The following TRPM7 variants were observed in gnomAD, a reference collection of about 807,000 sequenced individuals.
TRPM7 encodes transient receptor potential cation channel subfamily M member 7.
TRPM7 carries 134 observed loss-of-function variants against 229.7 expected under a neutral mutation model. The ratio of observed to expected loss-of-function variants is 0.58; its 90% confidence interval spans 0.51 to 0.67. The LOEUF (loss-of-function observed/expected upper bound fraction) is 0.67, where lower values mean the gene tolerates loss of function less well. TRPM7 is among the 30% of genes least tolerant of loss of function. The pLI is 0.00. For synonymous variants in TRPM7, 699 were observed against 715.2 expected (o/e 0.98, Z 0.36); for missense variants, 1,901 against 2,210.0 (o/e 0.86, Z 2.80).
At position 50,592,567 on chromosome 15, in the gene TRPM7, C is replaced by G. The variant is rs777086024; in HGVS notation, c.3668G>C (p.Arg1223Thr). Residue 1223 changes from arginine to threonine, a missense_variant, in exon 26 of 39, where the codon AGA (arginine) becomes ACA (threonine). This residue lies in a region of TRPM7 where 533 missense variants were observed against 497.1 expected (regional missense o/e 1.07). Coordinates refer to ENST00000646667, the MANE Select transcript of TRPM7 (RefSeq NM_017672.6). ...EVGDRVNYIKRSLQSLDSQIG... is the reference protein window; with the variant it reads ...EVGDRVNYIKTSLQSLDSQIG... ...TTGAGAATCTAATGATTGTAATGATCTTTTTATGTAGTTGACACGATCTCC... is the reference window on the plus strand; with the variant it reads ...TTGAGAATCTAATGATTGTAATGATGTTTTTATGTAGTTGACACGATCTCC... 2 of 1,609,898 alleles carry G rather than the reference C, an allele frequency of 1.2e-6. No homozygotes were observed. Among genetic ancestry groups the G allele is most frequent in the Non-Finnish European group, 1.7e-6 (2 of 1,179,836 alleles).
chr15:50,647,530 G>A (rs972497051), intron 4 of TRPM7, among the ~76,000 whole-genome samples: 1 of 152,150 alleles, frequency 6.6e-6, no homozygotes, highest in African/African-American at 2.4e-5. Flanking sequence ...CAGATCATGA[G>A]GTCAGGAGAT....
chr15:50,590,685 G>A (rs892639272), intron 26 of TRPM7, among the ~76,000 whole-genome samples: 2 of 152,180 alleles, frequency 1.3e-5, no homozygotes, highest in Non-Finnish European at 2.9e-5. Context: ...TTAGCCAGGT[G>A]TGGTGGCGTG....
rs772489736 is a variant in TRPM7 at position 50,628,135 on chromosome 15, G to A, written c.1305+14C>T. On this transcript the variant is annotated intron_variant, in intron 11 of 38. Transcript: ENST00000646667. Reference sequence around the variant, plus strand: ...GTAATTTAATTGTATTGTGTATGTAGATTATTTACATACCAGCCACTGCTG... The same window carrying A: ...GTAATTTAATTGTATTGTGTATGTAAATTATTTACATACCAGCCACTGCTG... The A allele has an allele frequency of 3.2e-6, 5 of 1,541,516 alleles. No individual in the cohort carries two copies. The highest frequency in any genetic ancestry group is 4.5e-6 in the Non-Finnish European group (5 of 1,117,096).
chr15:50,682,266 A>G (rs931335889), intron 1 of TRPM7, among the ~76,000 whole-genome samples: 3 of 151,372 alleles, frequency 2.0e-5, no homozygotes, highest in Non-Finnish European at 4.4e-5. Context: ...TTACCTCCAC[A>G]CACCAAAATT....
chr15:50,665,468 G>A (rs1168843656), intron 1 of TRPM7, among the ~76,000 whole-genome samples: 1 of 151,508 alleles, frequency 6.6e-6, no homozygotes. Flanking sequence ...CTGGGTATCT[G>A]GCAGATCATA....
In TRPM7 at chr15:50,593,679, G is replaced by A; in HGVS notation, c.3546C>T (p.Phe1182=). The change falls in exon 25 of 39, where the codon TTC becomes TTT. Residue 1182 remains phenylalanine (F), a synonymous_variant. Coordinates refer to ENST00000646667, the MANE Select transcript of TRPM7 (RefSeq NM_017672.6). The part of the protein sequence containing the change: ...DFEEQCVEMY[F]NEKDDKFHSG... ...AATGAAATTTGTCATCTTTTTCATTGAAATACATTTCAACACACTGCTCTT... is the reference window on the plus strand; with the variant it reads ...AATGAAATTTGTCATCTTTTTCATTAAAATACATTTCAACACACTGCTCTT... 6.2e-7 allele frequency: 1 copy of A among 1,611,506 alleles called. No individual in the cohort carries two copies.
intron 1 of TRPM7, among the ~76,000 whole-genome samples, chr15:50,685,050 C>G (rs2140994782): frequency 1.3e-5 from 2 of 152,286 alleles, no homozygotes; most frequent in Middle Eastern, 6.8e-3. Context: ...CTGGGATTTG[C>G]TTTAAAATTA....
intron 1 of TRPM7, among the ~76,000 whole-genome samples, chr15:50,669,783 G>GAA: frequency 6.8e-6 from 1 of 146,062 alleles, no homozygotes; most frequent in South Asian, 2.1e-4. Context: ...TGAAGTCCAG[G>GAA]AAAAAAAAAA....
At chr15:50,590,825 T>TA (rs34051921) in intron 26 of TRPM7, among the ~76,000 whole-genome samples, 17,411 of 118,014 alleles carry the variant, frequency 0.15, 1,145 homozygotes, top group African/African-American at 0.2. Flanking sequence ...CTCCGTCTTT[T>TA]AAAAAAAAAA....
At chr15:50,595,622 A>C (rs962817195) in intron 23 of TRPM7, among the ~76,000 whole-genome samples, 2 of 152,068 alleles carry the variant, frequency 1.3e-5, no homozygotes, top group Non-Finnish European at 2.9e-5. Flanking sequence ...GCACTTGGGG[A>C]AGCTGAAGTG....
intron 1 of TRPM7, among the ~76,000 whole-genome samples, chr15:50,679,538 A>ATATATATTTTTTTTTTTTT (rs1400383980): frequency 2.3e-5 from 1 of 43,904 alleles, no homozygotes; most frequent in African/African-American, 1.1e-4. Flanking sequence ...ATATATATAT[A>ATATATATTTTTTTTTTTTT]TTTTTTTTTT....
chr15:50,658,811 A>C (rs544985844), intron 2 of TRPM7, among the ~76,000 whole-genome samples: 1 of 152,348 alleles, frequency 6.6e-6, no homozygotes, highest in South Asian at 2.1e-4. Flanking sequence ...TTTTCCTAAC[A>C]GCCAAAAGAA....
Position 50,596,370 on chromosome 15 carries a change from C to A in TRPM7, c.3175G>T (p.Asp1059Tyr). ...YAYEIDVCAN[D>Y]SVIPQICGPG... is the part of the protein sequence containing the mutation. ...CCACAGATTTGAGGGATAACAGAAT[C>A]ATTTGCACACACTTTAGAGAGAAAA... is the stretch of plus-strand genomic sequence containing the variant. Residue 1059 changes from aspartate to tyrosine, a missense_variant, in exon 23 of 39, where the codon GAT becomes TAT. This residue lies in a region of TRPM7 where 89 missense variants were observed against 178.2 expected (regional missense o/e 0.50). Transcript: ENST00000646667. The A allele has an allele frequency of 6.3e-7, 1 of 1,585,530 alleles. No individual in the cohort carries two copies. The highest frequency in any genetic ancestry group is 1.2e-5 in the South Asian group (1 of 85,118).
At position 50,614,928 on chromosome 15, in the gene TRPM7, G is replaced by A. The variant is rs186918384; in HGVS notation, c.1495-665C>T. Among the ~76,000 whole-genome samples the A allele has an allele frequency of 7.2e-5, 11 of 152,096 alleles. No individual in the cohort carries two copies. In the East Asian group the frequency reaches 1.4e-3, roughly 19 times the overall value. ...CTCAGGCCTGTAATCCCAGCACTTT[G>A]GGAAGCCGAGGCAGGCAGATCACCT... On this transcript the variant is annotated intron_variant, in intron 13 of 38. Transcript: ENST00000646667.
intron 6 of TRPM7, among the ~76,000 whole-genome samples, chr15:50,638,673 A>ATTGT (rs1567059970): frequency 1.3e-5 from 1 of 75,832 alleles, no homozygotes; most frequent in African/African-American, 3.5e-5. Context: ...TAATTCAGTA[A>ATTGT]TTGTATGTAT....
chr15:50,583,414 C>T (rs2054522165), intron 28 of TRPM7, among the ~76,000 whole-genome samples: 1 of 152,074 alleles, frequency 6.6e-6, no homozygotes, highest in Admixed American at 6.6e-5. Context: ...CCCTCCTGTT[C>T]CCAATCACCC....
intron 3 of TRPM7, among the ~76,000 whole-genome samples, chr15:50,656,481 A>T (rs1308631421): frequency 6.7e-6 from 1 of 148,336 alleles, no homozygotes; most frequent in Non-Finnish European, 1.5e-5. Context: ...CCATGCCAAG[A>T]TTTTTGTGTG....
rs72070923 is a variant in TRPM7 at position 50,681,264 on chromosome 15, T to TACACACACACACACACACACACACAC, written c.3+5241_3+5266dup. Reference sequence around the variant, plus strand: ...AGACTTCGTCTCAAAAATAAATAAATACACACACACACACACACACACACA... The same window carrying TACACACACACACACACACACACACAC: ...AGACTTCGTCTCAAAAATAAATAAATACACACACACACACACACACACACACACACACACACACACACACACACACA... On this transcript the variant is annotated intron_variant, in intron 1 of 38. Transcript: ENST00000646667. Among the ~76,000 whole-genome samples the TACACACACACACACACACACACACAC allele has an allele frequency of 4.1e-3, 604 of 146,972 alleles. 2 individuals are homozygous for TACACACACACACACACACACACACAC. The highest frequency in any genetic ancestry group is 0.011 in the African/African-American group (437 of 38,948).
At chr15:50,569,857 A>G in intron 38 of TRPM7, 30 bp downstream of exon 38, 1 of 1,459,990 alleles carries the variant, frequency 6.8e-7, no homozygotes. Context: ...GTAACAATTT[A>G]TATACTATAC....
Sources: gnomAD v4.1 joint callset for allele counts (sites outside exome capture counted in the v4.1 genomes callset) on GRCh38, gnomAD v4.1.1 for gene constraint, gnomAD v4.1.1 regional missense constraint, MANE v1.5 for transcripts, NCBI Gene and HGNC (gene_info 2026-07-23, HGNC 2026-07-21) for gene names.